CALD1: variants seen among roughly 807,000 people sequenced by gnomAD.
The protein encoded by CALD1 is caldesmon.
CALD1 carries 33 observed loss-of-function variants against 99.9 expected under a neutral mutation model. The observed-to-expected ratio is 0.33, with a 90% CI of 0.25 to 0.44. CALD1 has a LOEUF of 0.44. CALD1 is among the 20% of genes least tolerant of loss of function. The probability of loss-of-function intolerance (pLI) is 1.00; values close to 1 mark genes in which losing one functional copy is unlikely to be tolerated. For missense variants in CALD1, 861 were observed against 962.1 expected (o/e 0.89, Z 1.39); for synonymous variants, 310 against 325.0 (o/e 0.95, Z 0.50).
chr7:134,818,880 T>G (rs769454684), intron 1 of CALD1, among the ~76,000 whole-genome samples: 1 of 152,120 alleles, frequency 6.6e-6, no homozygotes, highest in Non-Finnish European at 1.5e-5. Flanking sequence ...TGGCAGTAGT[T>G]CACATGCCAA....
the CALD1 span, among the ~76,000 whole-genome samples, chr7:134,718,841 GTTT>G: frequency 2.6e-5 from 4 of 152,138 alleles, no homozygotes; most frequent in East Asian, 7.7e-4. Context: ...TGTTTCTGGA[GTTT>G]TTATTTCCCC....
chr7:134,928,041 C>G, intron 3 of CALD1: 1 of 263,390 alleles, frequency 3.8e-6, no homozygotes, highest in Non-Finnish European at 8.2e-6. Context: ...TTCTGATCTT[C>G]GTGACAGTGT....
At chr7:134,958,345 C>T (rs1807935539) in intron 11 of CALD1, 55 bp downstream of exon 11, 2 of 1,325,858 alleles carry the variant, frequency 1.5e-6, no homozygotes, top group Non-Finnish European at 2.2e-6. Flanking sequence ...ATTCTGACTA[C>T]ATAGAAGAGC....
At chr7:134,816,316 C>T (rs1798562711) in intron 1 of CALD1, among the ~76,000 whole-genome samples, 1 of 152,146 alleles carries the variant, frequency 6.6e-6, no homozygotes, top group Non-Finnish European at 1.5e-5. Flanking sequence ...AACACAGGGG[C>T]CATGTCAATC....
In CALD1 at chr7:134,927,066, C is replaced by G. The variant is rs1406114771; in HGVS notation, c.72-1688C>G. Among the ~76,000 whole-genome samples the G allele has an allele frequency of 5.9e-5, 9 of 152,256 alleles. No homozygotes were observed. The East Asian group carries it at 1.7e-3, about 29-fold the overall frequency. On this transcript the variant is annotated intron_variant, in intron 3 of 14. Transcript: ENST00000361675. ...AGCAGCTTCCTACACAATGCAGCCC[C>G]ATACCCATACCCAACCCATTGACCC...
chr7:134,847,636 C>T (rs1345010203), intron 2 of CALD1, among the ~76,000 whole-genome samples: 1 of 152,240 alleles, frequency 6.6e-6, no homozygotes, highest in Admixed American at 6.5e-5. Flanking sequence ...TCCAACACCA[C>T]CACGTGCAGC....
the CALD1 span, among the ~76,000 whole-genome samples, chr7:134,731,063 C>T: frequency 3.9e-5 from 6 of 152,184 alleles, no homozygotes; most frequent in African/African-American, 7.2e-5. Context: ...TCCTCCTCCA[C>T]AGCTAACCTG....
chr7:134,809,144 G>A (rs928391243), intron 1 of CALD1, among the ~76,000 whole-genome samples: 1 of 152,164 alleles, frequency 6.6e-6, no homozygotes, highest in Non-Finnish European at 1.5e-5. Flanking sequence ...ACCAGTAAAA[G>A]TTCATGAGAG....
At chr7:134,896,007 C>T (rs577721633) in intron 3 of CALD1, among the ~76,000 whole-genome samples, 3 of 152,294 alleles carry the variant, frequency 2.0e-5, no homozygotes, top group South Asian at 4.1e-4. Flanking sequence ...ACCTAAGTCA[C>T]CTTTGGTTAC....
At chr7:134,887,678 ATG>A (rs1175094068) in intron 3 of CALD1, among the ~76,000 whole-genome samples, 9 of 146,726 alleles carry the variant, frequency 6.1e-5, no homozygotes, top group East Asian at 2.0e-4. Context: ...GTATGCATGC[ATG>A]TGTGTGTATG....
intron 1 of CALD1, among the ~76,000 whole-genome samples, chr7:134,789,863 C>A (rs1274317143): frequency 6.6e-6 from 1 of 152,056 alleles, no homozygotes; most frequent in Non-Finnish European, 1.5e-5. Context: ...TCTACAGAAG[C>A]AGACAACTTC....
At chr7:134,953,136 G>T (rs2133179883) in intron 9 of CALD1, among the ~76,000 whole-genome samples, 1 of 152,246 alleles carries the variant, frequency 6.6e-6, no homozygotes, top group East Asian at 1.9e-4. Context: ...CTAATGTCAT[G>T]AAATATTATT....
the CALD1 span, among the ~76,000 whole-genome samples, chr7:134,722,912 G>A: frequency 6.6e-6 from 1 of 152,120 alleles, no homozygotes; most frequent in African/African-American, 2.4e-5. Context: ...AACTTCTGGG[G>A]CTGAATTTCC....
At chr7:134,916,825 A>G (rs1326157914) in intron 3 of CALD1, among the ~76,000 whole-genome samples, 1 of 152,256 alleles carries the variant, frequency 6.6e-6, no homozygotes, top group Non-Finnish European at 1.5e-5. Context: ...ATTGCATCAC[A>G]TGAACATTTC....
At chr7:134,917,474 G>GGGATTAC (rs1804297855) in intron 3 of CALD1, among the ~76,000 whole-genome samples, 1 of 152,048 alleles carries the variant, frequency 6.6e-6, no homozygotes, top group African/African-American at 2.4e-5. Context: ...TCAGCCACTT[G>GGGATTAC]AGTACCTGGG....
At chr7:134,776,913 A>C (rs1480728395), upstream of CALD1, among the ~76,000 whole-genome samples, 1 of 152,198 alleles carries the variant, frequency 6.6e-6, no homozygotes, top group African/African-American at 2.4e-5. Context: ...AATATAAAGA[A>C]TCGTCCAGAT....
intron 1 of CALD1, among the ~76,000 whole-genome samples, chr7:134,828,032 T>C (rs944265790): frequency 1.3e-5 from 2 of 152,250 alleles, no homozygotes; most frequent in Admixed American, 1.3e-4. Context: ...GTTTCGTTGA[T>C]GTGAACAGAT....
intron 1 of CALD1, among the ~76,000 whole-genome samples, chr7:134,821,489 A>G (rs1798771408): frequency 6.6e-6 from 1 of 152,082 alleles, no homozygotes; most frequent in South Asian, 2.1e-4. Context: ...TGTTCACCAA[A>G]TGTTAACAAT....
At chr7:134,897,951 C>T (rs1263381888) in intron 3 of CALD1, among the ~76,000 whole-genome samples, 3 of 152,028 alleles carry the variant, frequency 2.0e-5, no homozygotes, top group African/African-American at 7.2e-5. Context: ...TCAAGCAGTC[C>T]TCCCACCTCG....
Sources: allele counts gnomAD v4.1 joint callset (sites outside exome capture counted in the v4.1 genomes callset), GRCh38; gene constraint gnomAD v4.1.1; transcripts MANE v1.5; gene names NCBI Gene and HGNC (gene_info 2026-07-23, HGNC 2026-07-21).